PON2: variants seen among roughly 807,000 people sequenced by gnomAD.
PON2 encodes serum paraoxonase/arylesterase 2.
Under a neutral mutation model 36.6 loss-of-function variants are expected in PON2, and 27 were observed. The ratio of observed to expected loss-of-function variants is 0.74; its 90% CI spans 0.54 to 1.02. The LOEUF (loss-of-function observed/expected upper bound fraction) is 1.02. PON2 is among the 50% of genes least tolerant of loss of function. The pLI is 0.00. For missense variants in PON2, 363 were observed against 421.1 expected (o/e 0.86, Z 1.21); for synonymous variants, 149 against 156.3 (o/e 0.95, Z 0.35).
At position 95,405,195 on chromosome 7, in the gene PON2, G is replaced by T; in HGVS notation, c.*135C>A. On this transcript the variant is annotated 3_prime_UTR_variant, in exon 9 of 9. Transcript: ENST00000222572. ...AAGTGCTCTAAGAACTAAAAGGGCC[G>T]TTCCTTACTGGAATAAAATTAACTA... The T allele has an allele frequency of 1.0e-6, 1 of 954,746 alleles. No homozygotes were observed. Among genetic ancestry groups the T allele is most frequent in the Non-Finnish European group, 1.6e-6 (1 of 636,158 alleles). The allele number at this position is 954,746 out of a possible 1,614,324, so 59.1% of individuals were successfully genotyped here. A position where few individuals can be genotyped will look rare whatever the true frequency, so the allele number is the denominator to read the frequency against.
intron 2 of PON2, among the ~76,000 whole-genome samples, chr7:95,419,784 C>T (rs1562789636): frequency 6.6e-6 from 1 of 152,150 alleles, no homozygotes; most frequent in Non-Finnish European, 1.5e-5. Flanking sequence ...TAGATGAAGA[C>T]AGCTGTGTTG....
chr7:95,429,176 C>T (rs1342089471), intron 1 of PON2, among the ~76,000 whole-genome samples: 1 of 146,480 alleles, frequency 6.8e-6, no homozygotes, highest in African/African-American at 2.5e-5. Flanking sequence ...AATGCTATCC[C>T]TCCCCCCTCC....
intron 2 of PON2, 174 bp from the exon 3 acceptor site, chr7:95,416,471 A>G (rs1450023925): frequency 2.9e-6 from 2 of 693,460 alleles, no homozygotes; most frequent in Non-Finnish European, 4.9e-6. Context: ...CCCTTCCTGA[A>G]GTGAACTTCT....
At chr7:95,434,020 G>A (rs1434645753) in intron 1 of PON2, among the ~76,000 whole-genome samples, 2 of 152,172 alleles carry the variant, frequency 1.3e-5, no homozygotes, top group South Asian at 2.1e-4. Context: ...ACACATAGCA[G>A]GTGCTCAGTC....
In PON2 at chr7:95,435,003, G is replaced by A; in HGVS notation, c.-52C>T. 6.1e-6 allele frequency: 9 copies of A among 1,482,228 alleles called. No individual in the cohort carries two copies. Among genetic ancestry groups the A allele is most frequent in the Non-Finnish European group, 7.1e-6 (8 of 1,119,214 alleles). The allele number at this position is 1,482,228 out of a possible 1,614,324, so 91.8% of individuals were successfully genotyped here. On this transcript the variant is annotated 5_prime_UTR_variant, in exon 1 of 9. Coordinates refer to ENST00000222572, the MANE Select transcript of PON2 (RefSeq NM_000305.3). ...GCTCCGGCCTGGCCAGCAGCTCCGT[G>A]GGCGGTGCCATCTTCCCGGCTCGAT...
At chr7:95,430,628 T>G (rs1354744403) in intron 1 of PON2, among the ~76,000 whole-genome samples, 1 of 151,762 alleles carries the variant, frequency 6.6e-6, no homozygotes, top group Admixed American at 6.6e-5. Context: ...GGTGTAGTGG[T>G]GCATGCCTAT....
At position 95,411,677 on chromosome 7, in the gene PON2, G is replaced by T. The variant is rs1263605354; in HGVS notation, c.470C>A (p.Thr157Lys). The T allele has an allele frequency of 2.0e-5, 33 of 1,613,802 alleles. No individual in the cohort carries two copies. The highest frequency in any genetic ancestry group is 2.8e-5 in the Non-Finnish European group (33 of 1,179,898). ...EAENSLLHLK[T>K]VKHELLPSVN... ...CCTTGGAAGAAGCTCATGTTTGACT[G>T]TTTTCAGATGCAACAGAGAATTTTC... The change falls in exon 5 of 9, where the codon ACA becomes AAA. Residue 157 changes from threonine to lysine, a missense_variant. By Grantham distance (78) the Thr-to-Lys change is moderately conservative. Transcript: ENST00000222572.
chr7:95,424,646 G>T, intron 1 of PON2, 61 bp from the exon 2 acceptor site: 2 of 1,353,506 alleles, frequency 1.5e-6, no homozygotes, highest in Non-Finnish European at 2.1e-6. Flanking sequence ...TCCCTGCTTT[G>T]TTTTAGAAAG....
chr7:95,424,083 T>C, intron 2 of PON2: 1 of 201,246 alleles, frequency 5.0e-6, no homozygotes, highest in Non-Finnish European at 1.0e-5. Context: ...CAAACCATAT[T>C]GGTCAGTTAC....
At chr7:95,431,800 G>A (rs1018566879) in intron 1 of PON2, among the ~76,000 whole-genome samples, 10 of 151,822 alleles carry the variant, frequency 6.6e-5, no homozygotes, top group Admixed American at 6.6e-5. Flanking sequence ...AAAATACAGG[G>A]TACCCAGTGA....
At position 95,405,484 on chromosome 7, in the gene PON2, A is replaced by G. The variant is rs749024891; in HGVS notation, c.911T>C (p.Leu304Pro). Residue 304 changes from leucine to proline, a missense_variant, in exon 9 of 9, where the codon CTC becomes CCC. Transcript: ENST00000222572. The part of the protein sequence containing the change: ...DPNNPPSSEV[L>P]RIQNILSEKP... The stretch of plus-strand genomic sequence containing the variant: ...CTCAGATAGAATGTTCTGGATGCGG[A>G]GAACCTATTCAGGGGATACAAAGTA... 1.2e-6 allele frequency: 2 copies of G among 1,612,440 alleles called. No homozygotes were observed. The highest frequency in any genetic ancestry group is 1.7e-6 in the Non-Finnish European group (2 of 1,178,536).
chr7:95,416,437 T>G, intron 2 of PON2, 140 bp from the exon 3 acceptor site: 1 of 954,618 alleles, frequency 1.0e-6, no homozygotes, highest in Non-Finnish European at 1.6e-6. Flanking sequence ...GGAACCATTC[T>G]TTTTAATAAA....
In PON2 at chr7:95,412,492, G is replaced by A; in HGVS notation, c.202-15C>T. On this transcript the variant is annotated splice_polypyrimidine_tract_variant and intron_variant, in intron 3 of 8. Coordinates refer to ENST00000222572, the MANE Select transcript of PON2 (RefSeq NM_000305.3). ...AATTTTAGACCCTTTCCAAAACGGTGAAAAATGTTAAATACAAAAGCTTAA... is the reference window on the plus strand; with the variant it reads ...AATTTTAGACCCTTTCCAAAACGGTAAAAAATGTTAAATACAAAAGCTTAA... 5.6e-6 allele frequency: 9 copies of A among 1,612,394 alleles called. No individual in the cohort carries two copies. Among genetic ancestry groups the A allele is most frequent in the Non-Finnish European group, 7.6e-6 (9 of 1,178,544 alleles).
intron 3 of PON2, among the ~76,000 whole-genome samples, chr7:95,415,454 T>G (rs1192504977): frequency 6.6e-6 from 1 of 152,206 alleles, no homozygotes; most frequent in Non-Finnish European, 1.5e-5. Context: ...TTTCCACTTA[T>G]GATTGGCTAT....
intron 2 of PON2, among the ~76,000 whole-genome samples, chr7:95,421,703 A>C (rs1432051843): frequency 1.3e-5 from 2 of 152,222 alleles, no homozygotes; most frequent in Non-Finnish European, 2.9e-5. Context: ...GAGGGGAGGT[A>C]GAACTGGGGA....
At chr7:95,431,545 A>T (rs2116510444) in intron 1 of PON2, among the ~76,000 whole-genome samples, 1 of 151,766 alleles carries the variant, frequency 6.6e-6, no homozygotes, top group Admixed American at 6.6e-5. Flanking sequence ...TCAGCCTCCC[A>T]AGTAGCTGGG....
Position 95,410,087 on chromosome 7 carries a change from GTGA to G in PON2, c.506_508del (p.Ile169del). The G allele has an allele frequency of 6.2e-7, 1 of 1,613,534 alleles. No individual in the cohort carries two copies. On this transcript the variant is annotated inframe_deletion, in exon 6 of 9. Transcript: ENST00000222572. ...ATAGAAATGTGCCGGTCCAACAGCT[GTGA>G]TGTCATTCACACTGAAAAAGAAAAA... is the stretch of plus-strand genomic sequence containing the variant.
chr7:95,417,331 A>T (rs1019875533), intron 2 of PON2, among the ~76,000 whole-genome samples: 49 of 152,176 alleles, frequency 3.2e-4, no homozygotes, highest in African/African-American at 1.1e-3. Context: ...TCACATTGTA[A>T]AGATGACCCA....
rs761452412 is a variant in PON2, at chr7:95,405,373, A to C, written c.1022T>G (p.Leu341Arg). ...SVASVYDGKLLIGTLYHRALY... is the reference protein window; with the variant it reads ...SVASVYDGKLRIGTLYHRALY... ...GGCTCTGTGGTATAAAGTGCCTATG[A>C]GCAGCTTCCCATCATACACTGAGGC... is the stretch of plus-strand genomic sequence containing the variant. The change falls in exon 9 of 9, where the codon CTC becomes CGC. Residue 341 changes from leucine to arginine, a missense_variant. Leu to Arg is a moderately radical substitution (Grantham distance 102). Coordinates refer to ENST00000222572, the MANE Select transcript of PON2 (RefSeq NM_000305.3). The C allele has an allele frequency of 2.2e-5, 35 of 1,614,004 alleles. No homozygotes were observed. The South Asian group carries it at 3.6e-4, about 17-fold the overall frequency.
Sources: allele counts gnomAD v4.1 joint callset (sites outside exome capture counted in the v4.1 genomes callset), GRCh38; gene constraint gnomAD v4.1.1; transcripts MANE v1.5; gene names NCBI Gene and HGNC (gene_info 2026-07-23, HGNC 2026-07-21).